SPIDR: variants seen among roughly 807,000 people sequenced by gnomAD.
SPIDR encodes the protein DNA repair-scaffolding protein.
SPIDR carries 93 observed loss-of-function variants against 104.6 expected under a neutral mutation model. That is an observed-to-expected ratio of 0.89 (90% CI 0.75 to 1.06). The LOEUF is 1.06. Among genes scored for constraint, SPIDR ranks in the 50% least tolerant of loss-of-function variants. SPIDR has a pLI of 0.00. For synonymous variants in SPIDR, 431 were observed against 416.9 expected (o/e 1.03, Z -0.41); for missense variants, 1,154 against 1,111.2 (o/e 1.04, Z -0.55).
At chr8:47,378,392 T>C (rs367570450) in intron 5 of SPIDR, among the ~76,000 whole-genome samples, 8 of 152,360 alleles carry the variant, frequency 5.3e-5, no homozygotes, top group African/African-American at 1.9e-4. Flanking sequence ...TTGTTGAATG[T>C]CATGGTTATG....
At chr8:47,603,653 T>C (rs944873390) in intron 10 of SPIDR, among the ~76,000 whole-genome samples, 2 of 151,926 alleles carry the variant, frequency 1.3e-5, no homozygotes, top group African/African-American at 4.8e-5. Flanking sequence ...CTGCCTTGGC[T>C]TTCCAAAGTA....
intron 1 of SPIDR, among the ~76,000 whole-genome samples, 177 bp from the exon 2 acceptor site, chr8:47,279,684 GT>G (rs2037337435): frequency 6.6e-6 from 1 of 152,144 alleles, no homozygotes; most frequent in Non-Finnish European, 1.5e-5. Flanking sequence ...GTGTTTCTAT[GT>G]TTTTGGCTTT....
intron 18 of SPIDR, 50 bp from the exon 19 acceptor site, chr8:47,729,362 A>C: frequency 1.3e-6 from 2 of 1,555,964 alleles, no homozygotes; most frequent in Non-Finnish European, 1.7e-6. Flanking sequence ...TAACTTGAGC[A>C]CTTACTGTGT....
intron 8 of SPIDR, among the ~76,000 whole-genome samples, chr8:47,506,280 C>T (rs2154373907): frequency 6.6e-6 from 1 of 152,264 alleles, no homozygotes; most frequent in South Asian, 2.1e-4. Flanking sequence ...TCAACATAAA[C>T]CCCCCTTACA....
At chr8:47,511,972 G>C (rs2082400536) in intron 8 of SPIDR, 2 of 791,872 alleles carry the variant, frequency 2.5e-6, no homozygotes, top group African/African-American at 3.4e-5. Context: ...CACTGAACTG[G>C]GGGTTGCCTG....
At chr8:47,387,873 T>C (rs531663948) in intron 5 of SPIDR, among the ~76,000 whole-genome samples, 1 of 151,134 alleles carries the variant, frequency 6.6e-6, no homozygotes, top group Admixed American at 6.6e-5. Context: ...TCTGCTTTCT[T>C]CAGTGATATC....
chr8:47,384,992 T>G (rs188350386), intron 5 of SPIDR, among the ~76,000 whole-genome samples: 22 of 152,324 alleles, frequency 1.4e-4, no homozygotes, highest in Admixed American at 1.4e-3. Flanking sequence ...TGTTTTGTTT[T>G]GTTTCCTCTT....
intron 8 of SPIDR, among the ~76,000 whole-genome samples, chr8:47,548,695 G>GA (rs1260026451): frequency 1.3e-5 from 2 of 152,084 alleles, no homozygotes; most frequent in Admixed American, 1.3e-4. Context: ...AAGGACTAAT[G>GA]AAAAATCATT....
chr8:47,522,872 C>G (rs1291187933), intron 8 of SPIDR, among the ~76,000 whole-genome samples: 3 of 152,066 alleles, frequency 2.0e-5, no homozygotes, highest in Admixed American at 1.3e-4. Flanking sequence ...TGTGAAATCT[C>G]TAGTAACCTG....
intron 5 of SPIDR, among the ~76,000 whole-genome samples, chr8:47,379,431 T>C (rs906513167): frequency 2.0e-5 from 3 of 152,050 alleles, no homozygotes; most frequent in Non-Finnish European, 4.4e-5. Context: ...CAGTTCCAGC[T>C]ACTCGGGAGG....
chr8:47,401,397 A>G (rs2061865029), intron 6 of SPIDR, among the ~76,000 whole-genome samples: 1 of 152,218 alleles, frequency 6.6e-6, no homozygotes, highest in South Asian at 2.1e-4. Context: ...TGTAAAGACC[A>G]TTGAGGCTAG....
chr8:47,544,181 C>G (rs1564284003), intron 8 of SPIDR, among the ~76,000 whole-genome samples: 4 of 151,670 alleles, frequency 2.6e-5, no homozygotes, highest in African/African-American at 9.7e-5. Flanking sequence ...GCTCATTTGC[C>G]ATTTATTTAT....
chr8:47,315,876 T>C (rs1554589139), intron 5 of SPIDR, among the ~76,000 whole-genome samples: 3 of 152,122 alleles, frequency 2.0e-5, no homozygotes. Context: ...GAATCATAGA[T>C]CTATATGTTG....
At chr8:47,716,175 G>A (rs1190182198) in intron 16 of SPIDR, among the ~76,000 whole-genome samples, 2 of 152,048 alleles carry the variant, frequency 1.3e-5, no homozygotes, top group African/African-American at 4.8e-5. Flanking sequence ...GGCCAGGCTG[G>A]TCTTGAACTC....
At chr8:47,671,456 G>A (rs2075783159) in intron 10 of SPIDR, among the ~76,000 whole-genome samples, 1 of 151,862 alleles carries the variant, frequency 6.6e-6, no homozygotes, top group Non-Finnish European at 1.5e-5. Context: ...GTGGCAGTGG[G>A]CTCCTGTAAT....
intron 17 of SPIDR, among the ~76,000 whole-genome samples, chr8:47,727,543 ATT>A (rs2084445311): frequency 2.0e-5 from 3 of 152,086 alleles, no homozygotes; most frequent in Non-Finnish European, 4.4e-5. Context: ...CACCTCCTTT[ATT>A]ATCAGCCAGG....
Position 47,677,770 on chromosome 8 carries a change from T to C in SPIDR, c.1685+3829T>C, listed in dbSNP as rs74496706. Among the ~76,000 whole-genome samples the C allele has an allele frequency of 8.4e-3, 1,280 of 152,304 alleles. 16 individuals carry two copies. The highest frequency in any genetic ancestry group is 0.023 in the South Asian group (109 of 4,830). On this transcript the variant is annotated intron_variant, in intron 11 of 19. Transcript: ENST00000297423. Reference sequence around the variant, plus strand: ...AGCTGACTGATCTCAGAAGGTTTCATGAAAGAAGTGAGAACAAATGCTTTA... The same window carrying C: ...AGCTGACTGATCTCAGAAGGTTTCACGAAAGAAGTGAGAACAAATGCTTTA...
At chr8:47,474,397 C>T (rs2076058646) in intron 8 of SPIDR, among the ~76,000 whole-genome samples, 1 of 152,130 alleles carries the variant, frequency 6.6e-6, no homozygotes, top group South Asian at 2.1e-4. Context: ...TTGAGAGATA[C>T]AATCTTGTGG....
intron 6 of SPIDR, among the ~76,000 whole-genome samples, chr8:47,406,366 A>G (rs2062757725): frequency 6.6e-6 from 1 of 152,138 alleles, no homozygotes. Context: ...TTTGTCATCT[A>G]TAAAGTGGAA....
Sources: gnomAD v4.1 joint callset for allele counts (sites outside exome capture counted in the v4.1 genomes callset) on GRCh38, gnomAD v4.1.1 for gene constraint, MANE v1.5 for transcripts, NCBI Gene and HGNC (gene_info 2026-07-23, HGNC 2026-07-21) for gene names.